RIMS2: variants seen among roughly 807,000 people sequenced by gnomAD.
The protein encoded by RIMS2 is regulating synaptic membrane exocytosis protein 2.
RIMS2 carries 59 observed loss-of-function variants against 174.4 expected under a neutral mutation model. That is an observed-to-expected ratio of 0.34 (90% CI 0.27 to 0.42). The LOEUF (loss-of-function observed/expected upper bound fraction) is 0.42. RIMS2 is among the 10% of genes least tolerant of loss of function. RIMS2 has a pLI of 1.00. For synonymous variants in RIMS2, 606 were observed against 572.5 expected (o/e 1.06, Z -0.84); for missense variants, 1,620 against 1,666.3 (o/e 0.97, Z 0.48).
intron 1 of RIMS2, among the ~76,000 whole-genome samples, chr8:103,635,399 G>T (rs2096052531): frequency 6.6e-6 from 1 of 152,198 alleles, no homozygotes; most frequent in African/African-American, 2.4e-5. Flanking sequence ...GGAGGCCCAG[G>T]CCTGGATGAC....
At chr8:103,638,498 A>T (rs2096144470) in intron 1 of RIMS2, among the ~76,000 whole-genome samples, 1 of 152,006 alleles carries the variant, frequency 6.6e-6, no homozygotes, top group African/African-American at 2.4e-5. Flanking sequence ...ATCAGTATGG[A>T]TTAATGGATA....
chr8:104,056,757 C>T (rs1040247052), intron 19 of RIMS2, among the ~76,000 whole-genome samples: 5 of 152,144 alleles, frequency 3.3e-5, no homozygotes, highest in South Asian at 2.1e-4. Flanking sequence ...GTGGTATGCA[C>T]GCCTGTGGTC....
At chr8:103,568,056 C>G (rs2092511056) in intron 1 of RIMS2, among the ~76,000 whole-genome samples, 1 of 151,988 alleles carries the variant, frequency 6.6e-6, no homozygotes, top group African/African-American at 2.4e-5. Flanking sequence ...TTGCTTGAGC[C>G]CAGGAGTTCA....
intron 1 of RIMS2, among the ~76,000 whole-genome samples, chr8:103,564,396 G>A (rs1197445524): frequency 6.6e-6 from 1 of 152,082 alleles, no homozygotes; most frequent in African/African-American, 2.4e-5. Context: ...ATATATAAAG[G>A]GGAGTTTATT....
chr8:103,555,872 A>G (rs1421466530), intron 1 of RIMS2, among the ~76,000 whole-genome samples: 2 of 151,870 alleles, frequency 1.3e-5, no homozygotes, highest in Admixed American at 6.6e-5. Context: ...AAAGAAGGAA[A>G]TCCTATCATA....
At chr8:104,148,826 T>C (rs748832788) in intron 19 of RIMS2, 4 of 1,598,248 alleles carry the variant, frequency 2.5e-6, no homozygotes, top group Non-Finnish European at 3.4e-6. Context: ...AAAGTCGCAG[T>C]GCTTCTCAGC....
At chr8:104,119,450 G>T (rs1455030405) in intron 19 of RIMS2, among the ~76,000 whole-genome samples, 3 of 152,098 alleles carry the variant, frequency 2.0e-5, no homozygotes, top group African/African-American at 7.2e-5. Flanking sequence ...TGGCAGTTAA[G>T]GAAAAATGCT....
At chr8:103,626,624 C>T (rs984294311) in intron 1 of RIMS2, among the ~76,000 whole-genome samples, 12 of 152,236 alleles carry the variant, frequency 7.9e-5, no homozygotes, top group Admixed American at 2.6e-4. Context: ...TGATGTCTAT[C>T]GGGGGAACCA....
intron 19 of RIMS2, among the ~76,000 whole-genome samples, chr8:104,032,120 G>C (rs968165862): frequency 1.3e-5 from 2 of 151,954 alleles, no homozygotes; most frequent in African/African-American, 4.8e-5. Flanking sequence ...TCCCTAAAAA[G>C]TACAATAAAA....
At chr8:103,652,364 C>T (rs2096466634) in intron 1 of RIMS2, 127 bp downstream of exon 2, 1 of 540,462 alleles carries the variant, frequency 1.9e-6, no homozygotes, top group Admixed American at 2.5e-5. Flanking sequence ...TTCTGACTCT[C>T]TGGCTTGTAA....
At chr8:103,905,819 A>G (rs2074286870) in intron 4 of RIMS2, among the ~76,000 whole-genome samples, 1 of 109,094 alleles carries the variant, frequency 9.2e-6, no homozygotes, top group Admixed American at 9.5e-5. Flanking sequence ...TGTTTTTCAG[A>G]TTGGGTCATT....
At chr8:103,993,752 C>T (rs1459604515) in intron 17 of RIMS2, among the ~76,000 whole-genome samples, 1 of 152,110 alleles carries the variant, frequency 6.6e-6, no homozygotes, top group Non-Finnish European at 1.5e-5. Context: ...ACATGCCAGG[C>T]ACAGTGGCTC....
At chr8:104,006,626 T>TC (rs2095586753) in intron 17 of RIMS2, among the ~76,000 whole-genome samples, 2 of 138,114 alleles carry the variant, frequency 1.4e-5, no homozygotes, top group Non-Finnish European at 3.1e-5. Context: ...AGTGATCTAT[T>TC]TCTCTCTCTC....
intron 1 of RIMS2, among the ~76,000 whole-genome samples, chr8:103,630,382 C>T (rs925131118): frequency 4.0e-5 from 6 of 151,800 alleles, no homozygotes; most frequent in African/African-American, 9.7e-5. Context: ...AGGTGAAATG[C>T]AAAGCATTCT....
intron 19 of RIMS2, among the ~76,000 whole-genome samples, chr8:104,201,328 T>G (rs1334584573): frequency 6.6e-6 from 1 of 152,182 alleles, no homozygotes; most frequent in Non-Finnish European, 1.5e-5. Context: ...CAAGCTAATT[T>G]TGTAACAACT....
intron 1 of RIMS2, among the ~76,000 whole-genome samples, chr8:103,626,135 G>A (rs767411103): frequency 6.6e-6 from 1 of 151,992 alleles, no homozygotes; most frequent in Non-Finnish European, 1.5e-5. Flanking sequence ...GAAACATAGG[G>A]ATACAGTTTA....
At chr8:103,859,809 C>T (rs528082558) in intron 3 of RIMS2, among the ~76,000 whole-genome samples, 1 of 152,198 alleles carries the variant, frequency 6.6e-6, no homozygotes, top group South Asian at 2.1e-4. Context: ...GGTCCAACAT[C>T]TTGAAGCTTC....
intron 3 of RIMS2, among the ~76,000 whole-genome samples, chr8:103,882,990 A>C (rs1054741329): frequency 6.6e-6 from 1 of 151,616 alleles, no homozygotes; most frequent in Non-Finnish European, 1.5e-5. Context: ...GAAATCTTTA[A>C]TGCATTAAGC....
chr8:104,061,191 A>G (rs1212424988), intron 19 of RIMS2, among the ~76,000 whole-genome samples: 1 of 152,098 alleles, frequency 6.6e-6, no homozygotes, highest in Non-Finnish European at 1.5e-5. Context: ...TGCCGTTATT[A>G]TTGTGTGGGA....
Sources: gnomAD v4.1 joint callset for allele counts (sites outside exome capture counted in the v4.1 genomes callset) on GRCh38, gnomAD v4.1.1 for gene constraint, MANE v1.5 for transcripts, NCBI Gene and HGNC (gene_info 2026-07-23, HGNC 2026-07-21) for gene names.